The following RRM1 variants were observed in gnomAD, a reference collection of about 807,000 sequenced individuals.
The protein encoded by RRM1 is ribonucleoside-diphosphate reductase large subunit.
A neutral mutation model predicts 101.5 loss-of-function variants in RRM1; 19 were observed. That is an observed-to-expected ratio of 0.19 (90% CI 0.13 to 0.27). The LOEUF (loss-of-function observed/expected upper bound fraction) is 0.27, where lower values mean the gene tolerates loss of function less well. RRM1 is among the 10% of genes least tolerant of loss of function. The probability of loss-of-function intolerance (pLI) is 1.00; values close to 1 mark genes in which losing one functional copy is unlikely to be tolerated. For missense variants in RRM1, 500 were observed against 962.9 expected, an observed-to-expected ratio of 0.52 and a Z score of 6.36; for synonymous variants, 298 against 323.4, an observed-to-expected ratio of 0.92 and a Z score of 0.84.
intron 7 of RRM1, among the ~76,000 whole-genome samples, chr11:4,113,630 C>G (rs2094568488): frequency 6.6e-6 from 1 of 152,278 alleles, no homozygotes; most frequent in South Asian, 2.1e-4. Context: ...AAGGTGATTT[C>G]CTTGTGCAAA....
At chr11:4,126,967 G>C in intron 13 of RRM1, 68 bp from the exon 14 acceptor site, 1 of 1,464,654 alleles carries the variant, frequency 6.8e-7, no homozygotes, top group Non-Finnish European at 9.3e-7. Context: ...TGTCTCATTT[G>C]GTACAGAATG....
chr11:4,117,654 T>C (rs1366286760), intron 7 of RRM1, among the ~76,000 whole-genome samples: 1 of 152,236 alleles, frequency 6.6e-6, no homozygotes, highest in African/African-American at 2.4e-5. Flanking sequence ...GTCTAATTTT[T>C]TGAGGTAGGT....
intron 2 of RRM1, among the ~76,000 whole-genome samples, chr11:4,103,778 G>A (rs1351051920): frequency 1.5e-5 from 2 of 132,744 alleles, no homozygotes; most frequent in Non-Finnish European, 3.1e-5. Context: ...GTGCCACCAC[G>A]CTATTTTTTT....
At chr11:4,104,453 C>T (rs1283529393) in intron 2 of RRM1, among the ~76,000 whole-genome samples, 8 of 152,138 alleles carry the variant, frequency 5.3e-5, no homozygotes, top group African/African-American at 1.9e-4. Flanking sequence ...ATAAACCACT[C>T]ACAACTTAGA....
chr11:4,117,024 G>C (rs1277254031), intron 7 of RRM1, among the ~76,000 whole-genome samples: 1 of 151,906 alleles, frequency 6.6e-6, no homozygotes. Flanking sequence ...ACATGGGCAA[G>C]GGCTATAAAC....
At position 4,105,369 on chromosome 11, in the gene RRM1, C is replaced by T. The variant is rs143316195; in HGVS notation, c.109-677C>T. Among the ~76,000 whole-genome samples, 534 of 151,890 alleles carry T rather than the reference C, an allele frequency of 3.5e-3. 1 individual carries two copies. Among genetic ancestry groups the T allele is most frequent in the African/African-American group, 0.012 (507 of 41,438 alleles). ...CCTCAGCTTACCCTGTAGCTGCAACCACAGTCACTTACCACCATGACTGGC... is the reference window on the plus strand; with the variant it reads ...CCTCAGCTTACCCTGTAGCTGCAACTACAGTCACTTACCACCATGACTGGC... On this transcript the variant is annotated intron_variant, in intron 2 of 18. Transcript: ENST00000300738.
intron 1 of RRM1, among the ~76,000 whole-genome samples, chr11:4,098,415 CTCCTTCCTTCCT>C (rs1176661396): frequency 5.9e-5 from 7 of 118,844 alleles, no homozygotes; most frequent in African/African-American, 9.1e-5. Context: ...CCGTCCCTTC[CTCCTTCCTTCCT>C]TCCTTCCTTC....
At chr11:4,125,952 G>T (rs1471508615) in intron 12 of RRM1, among the ~76,000 whole-genome samples, 1 of 152,186 alleles carries the variant, frequency 6.6e-6, no homozygotes, top group Non-Finnish European at 1.5e-5. Context: ...TAAGACTTTG[G>T]CTTGGGATAG....
At chr11:4,135,607 C>G (rs2094608118) in intron 18 of RRM1, among the ~76,000 whole-genome samples, 1 of 152,034 alleles carries the variant, frequency 6.6e-6, no homozygotes. Context: ...TGCTGTTATT[C>G]TAAACTGACC....
Position 4,111,606 on chromosome 11 carries a change from AG to A in RRM1, c.454del (p.Glu152SerfsTer6). The A allele has an allele frequency of 6.2e-7, 1 of 1,604,300 alleles. No homozygotes were observed. Among genetic ancestry groups the A allele is most frequent in the Non-Finnish European group, 8.5e-7 (1 of 1,175,180 alleles). On this transcript the variant is annotated frameshift_variant, in exon 6 of 19. Coordinates refer to ENST00000300738, the MANE Select transcript of RRM1 (RefSeq NM_001033.5). LOFTEE classifies it high-confidence loss of function. ...TGTTGTTTCTCTCTTTCTAGACGCT[AG>A]AGCGGTCTTATTTGTTGAAGATCAA... ...SYNYFGFKTL[E>X]RSYLLKINGK...
chr11:4,112,595 C>T (rs1169708184), intron 7 of RRM1, among the ~76,000 whole-genome samples: 6 of 152,154 alleles, frequency 3.9e-5, no homozygotes, highest in Non-Finnish European at 8.8e-5. Flanking sequence ...AACTCCTGAC[C>T]TCAGGTGATC....
intron 14 of RRM1, among the ~76,000 whole-genome samples, chr11:4,127,792 TC>T (rs2094592281): frequency 2.0e-5 from 3 of 152,234 alleles, no homozygotes; most frequent in Non-Finnish European, 2.9e-5. Flanking sequence ...TTAGAACTAG[TC>T]ATTGCTAAAA....
At chr11:4,124,169 G>A (rs2094586071) in intron 12 of RRM1, among the ~76,000 whole-genome samples, 1 of 152,182 alleles carries the variant, frequency 6.6e-6, no homozygotes, top group Non-Finnish European at 1.5e-5. Flanking sequence ...CGGATAGGTA[G>A]CCCTTGTAGG....
chr11:4,110,471 A>C (rs958840112), intron 5 of RRM1, among the ~76,000 whole-genome samples: 1 of 152,190 alleles, frequency 6.6e-6, no homozygotes, highest in African/African-American at 2.4e-5. Flanking sequence ...ATTTCAATTT[A>C]AAGTGCCTAT....
intron 6 of RRM1, 126 bp downstream of exon 6, chr11:4,111,766 G>A: frequency 8.4e-7 from 1 of 1,188,024 alleles, no homozygotes. Context: ...GGTTTAGTTT[G>A]TGGATAATTG....
intron 15 of RRM1, 89 bp downstream of exon 15, chr11:4,129,239 T>G (rs1350166543): frequency 2.2e-5 from 16 of 738,684 alleles, no homozygotes; most frequent in Non-Finnish European, 3.6e-5. Flanking sequence ...TCATTTTAAC[T>G]TCTTAAACTC....
chr11:4,102,451 A>C (rs1303029068), intron 2 of RRM1, among the ~76,000 whole-genome samples: 1 of 152,174 alleles, frequency 6.6e-6, no homozygotes, highest in Non-Finnish European at 1.5e-5. Context: ...TGAGGTCAGG[A>C]GTTCAAGACC....
At chr11:4,108,020 T>C (rs1465038135) in intron 4 of RRM1, among the ~76,000 whole-genome samples, 1 of 152,248 alleles carries the variant, frequency 6.6e-6, no homozygotes, top group Non-Finnish European at 1.5e-5. Flanking sequence ...TAGATGAATA[T>C]ATCTGTAAGA....
At position 4,101,897 on chromosome 11, in the gene RRM1, C is replaced by A; in HGVS notation, c.20-96C>A. ...CTGTGAAATAGCACTTCATGTTGGT[C>A]AATTTACATGTTAATTACATTTGAT... is the stretch of plus-strand genomic sequence containing the variant. On this transcript the variant is annotated intron_variant, in intron 1 of 18. Transcript: ENST00000300738. 4.3e-6 allele frequency: 3 copies of A among 699,670 alleles called. No individual in the cohort carries two copies. In the South Asian group the frequency reaches 5.3e-5, roughly 12 times the overall value. 43.3% of individuals were successfully genotyped at this position (699,670 alleles called of 1,614,324 possible).
Sources: gnomAD v4.1 joint callset for allele counts (sites outside exome capture counted in the v4.1 genomes callset) on GRCh38, gnomAD v4.1.1 for gene constraint, MANE v1.5 for transcripts, NCBI Gene and HGNC (gene_info 2026-07-23, HGNC 2026-07-21) for gene names.